WDPCP: variants seen among roughly 807,000 people sequenced by gnomAD.
WDPCP encodes the protein WD repeat containing planar cell polarity effector.
In WDPCP, 71 loss-of-function variants were observed where a neutral mutation model predicts 93.1. The observed-to-expected ratio is 0.76, with a 90% CI of 0.63 to 0.93. WDPCP has a LOEUF of 0.93. WDPCP is among the 40% of genes least tolerant of loss of function. WDPCP has a pLI of 0.00. For synonymous variants in WDPCP, 315 were observed against 315.0 expected, an observed-to-expected ratio of 1.00 and a Z score of 0.00; for missense variants, 844 against 887.4, an observed-to-expected ratio of 0.95 and a Z score of 0.62.
intron 2 of WDPCP, among the ~76,000 whole-genome samples, chr2:63,696,311 A>AC (rs1668960049): frequency 6.6e-6 from 1 of 151,990 alleles, no homozygotes; most frequent in African/African-American, 2.4e-5. Context: ...TACCCCAGCA[A>AC]GTTTCTTCTT....
intron 2 of WDPCP, among the ~76,000 whole-genome samples, chr2:63,714,578 C>T (rs571274448): frequency 1.9e-4 from 29 of 152,218 alleles, no homozygotes; most frequent in African/African-American, 7.0e-4. Flanking sequence ...CAAATAAATA[C>T]CAGCACTTTG....
chr2:63,583,115 T>C (rs1708602512), intron 1 of WDPCP, among the ~76,000 whole-genome samples: 1 of 152,064 alleles, frequency 6.6e-6, no homozygotes, highest in African/African-American at 2.4e-5. Context: ...AGTAAAGTGG[T>C]CAGGAAAGGA....
chr2:63,724,667 T>G (rs1395658957), intron 2 of WDPCP, among the ~76,000 whole-genome samples: 1 of 152,190 alleles, frequency 6.6e-6, no homozygotes, highest in African/African-American at 2.4e-5. Flanking sequence ...GTCAAACCTT[T>G]TAACAGCAGC....
At chr2:63,608,619 G>C (rs527870687) in intron 3 of WDPCP, among the ~76,000 whole-genome samples, 79 of 152,140 alleles carry the variant, frequency 5.2e-4, no homozygotes, top group Non-Finnish European at 7.2e-4. Flanking sequence ...GGCTAGCCTG[G>C]GCAACAAAAC....
chr2:63,601,484 G>A (rs1296010868), intron 3 of WDPCP, among the ~76,000 whole-genome samples: 1 of 152,198 alleles, frequency 6.6e-6, no homozygotes, highest in Non-Finnish European at 1.5e-5. Context: ...ACTAGGGCTG[G>A]AGAATTAATC....
chr2:63,301,427 C>G (rs1366581145), intron 13 of WDPCP, among the ~76,000 whole-genome samples: 1 of 152,210 alleles, frequency 6.6e-6, no homozygotes, highest in Non-Finnish European at 1.5e-5. Flanking sequence ...AACGCTTCAG[C>G]ACAGGCCATA....
intron 3 of WDPCP, among the ~76,000 whole-genome samples, chr2:63,612,598 G>C (rs924544432): frequency 2.0e-5 from 3 of 152,258 alleles, no homozygotes; most frequent in South Asian, 2.1e-4. Flanking sequence ...TATTCCTTTT[G>C]TTTCCCCCAT....
rs1687447720 is a variant in WDPCP, at chr2:63,325,314, T to A, written c.1749-12003A>T. 3.3e-5 allele frequency among the ~76,000 whole-genome samples: 5 copies of A among 152,142 alleles called. No individual in the cohort carries two copies. The South Asian group carries it at 8.3e-4, about 25-fold the overall frequency. ...CAATGAGAAACAAGCCACCCCCTCG[T>A]CCATGTCCGCTATGCTGAGGCAATC... On this transcript the variant is annotated intron_variant, in intron 12 of 17. Transcript: ENST00000272321.
In WDPCP at chr2:63,121,371, CTTTTCTTTCT is replaced by C. The variant is rs1195730297; in HGVS notation, c.*625_*634del. On this transcript the variant is annotated 3_prime_UTR_variant, in exon 18 of 18. Transcript: ENST00000272321. ...GAGCAGAAGAGGACTTTCTTTCTTT[CTTTTCTTTCT>C]TTTTTTTTTTTTTTTTTTTTGGAGA... 1.6e-5 allele frequency: 2 copies of C among 127,560 alleles called. No individual in the cohort carries two copies. The highest frequency in any genetic ancestry group is 3.2e-5 in the Non-Finnish European group (2 of 62,836). The allele number at this position is 127,560 out of a possible 1,614,324, so 7.9% of individuals were successfully genotyped here. A position where few individuals can be genotyped will look rare whatever the true frequency, so the allele number is the denominator to read the frequency against.
chr2:63,253,740 T>A (rs1368542811), intron 14 of WDPCP, among the ~76,000 whole-genome samples: 2 of 151,962 alleles, frequency 1.3e-5, no homozygotes, highest in Non-Finnish European at 2.9e-5. Flanking sequence ...GAAAATAACA[T>A]ATGCTGTGAG....
intron 2 of WDPCP, among the ~76,000 whole-genome samples, chr2:63,680,553 C>A (rs1710478762): frequency 6.6e-6 from 1 of 152,088 alleles, no homozygotes; most frequent in South Asian, 2.1e-4. Flanking sequence ...ATTTGAGTTT[C>A]CACAAGCCTT....
intron 14 of WDPCP, among the ~76,000 whole-genome samples, chr2:63,179,197 C>A (rs1362608960): frequency 7.9e-6 from 1 of 126,202 alleles, no homozygotes; most frequent in Non-Finnish European, 1.8e-5. Flanking sequence ...GAGACCCTGT[C>A]TCGGGGGGAA....
chr2:63,764,199 G>A (rs1670103973), intron 2 of WDPCP, among the ~76,000 whole-genome samples: 1 of 152,102 alleles, frequency 6.6e-6, no homozygotes. Context: ...GTCACCCTGA[G>A]AATTATTTAA....
intron 6 of WDPCP, among the ~76,000 whole-genome samples, chr2:63,466,884 G>A (rs1163376712): frequency 6.6e-6 from 1 of 152,112 alleles, no homozygotes; most frequent in African/African-American, 2.4e-5. Flanking sequence ...GCCAACAGTG[G>A]AGCCAGGAAA....
chr2:63,387,987 T>C (rs1256680185), intron 10 of WDPCP, among the ~76,000 whole-genome samples: 1 of 151,878 alleles, frequency 6.6e-6, no homozygotes, highest in Admixed American at 6.6e-5. Flanking sequence ...CACAAACAAA[T>C]GGAAAAACAT....
intron 10 of WDPCP, among the ~76,000 whole-genome samples, chr2:63,388,835 G>C (rs1407500171): frequency 6.6e-6 from 1 of 152,026 alleles, no homozygotes; most frequent in Non-Finnish European, 1.5e-5. Context: ...AAAACGAGAA[G>C]ACAAGGTTGG....
chr2:63,179,440 G>C (rs1324259326), intron 14 of WDPCP, among the ~76,000 whole-genome samples: 2 of 151,862 alleles, frequency 1.3e-5, no homozygotes, highest in Non-Finnish European at 2.9e-5. Flanking sequence ...GCAATAGTGA[G>C]TTCTCATGAG....
chr2:63,812,886 T>TC (rs1429111773), intron 2 of WDPCP, among the ~76,000 whole-genome samples: 1 of 151,958 alleles, frequency 6.6e-6, no homozygotes, highest in African/African-American at 2.4e-5. Flanking sequence ...TCACTTTATT[T>TC]TTTTTTTTTT....
chr2:63,246,257 A>G (rs529618276), intron 14 of WDPCP, among the ~76,000 whole-genome samples: 2 of 152,304 alleles, frequency 1.3e-5, no homozygotes, highest in East Asian at 3.9e-4. Flanking sequence ...GCTAACAAAA[A>G]GGCATGGATC....
Sources: gnomAD v4.1 joint callset for allele counts (sites outside exome capture counted in the v4.1 genomes callset) on GRCh38, gnomAD v4.1.1 for gene constraint, MANE v1.5 for transcripts, NCBI Gene and HGNC (gene_info 2026-07-23, HGNC 2026-07-21) for gene names.